Variants in FBN2 observed in about 807,000 individuals in gnomAD.
The protein encoded by FBN2 is fibrillin 2, also known as fibrillin-2.
In FBN2, 105 loss-of-function variants were observed where a neutral mutation model predicts 355.6. The ratio of observed to expected loss-of-function variants is 0.30; its 90% CI spans 0.25 to 0.35. FBN2 has a LOEUF of 0.35. FBN2 is among the 10% of genes least tolerant of loss of function. FBN2 has a pLI of 1.00. For synonymous variants in FBN2, 1,350 were observed against 1,301.2 expected (o/e 1.04, Z -0.81); for missense variants, 3,280 against 3,758.7 (o/e 0.87, Z 3.33).
At chr5:128,417,529 T>C (rs1431804467) in intron 7 of FBN2, among the ~76,000 whole-genome samples, 1 of 152,180 alleles carries the variant, frequency 6.6e-6, no homozygotes, top group Non-Finnish European at 1.5e-5. Flanking sequence ...GTTCCTTCTA[T>C]GCATAGTTTG....
At chr5:128,369,983 C>T (rs373046096) in intron 15 of FBN2, among the ~76,000 whole-genome samples, 5 of 152,148 alleles carry the variant, frequency 3.3e-5, no homozygotes, top group East Asian at 1.9e-4. Context: ...GTGGTCATTA[C>T]GTGCATTTTA....
At chr5:128,468,837 C>T (rs1268551756) in intron 5 of FBN2, among the ~76,000 whole-genome samples, 1 of 152,138 alleles carries the variant, frequency 6.6e-6, no homozygotes, top group Non-Finnish European at 1.5e-5. Flanking sequence ...AATACACTTG[C>T]TAAAATCCAA....
chr5:128,336,167 A>G (rs778892446), intron 27 of FBN2, 54 bp from the exon 28 acceptor site: 37 of 1,583,894 alleles, frequency 2.3e-5, no homozygotes, highest in Non-Finnish European at 3.1e-5. Context: ...CACTAAAGCC[A>G]TCAGAAAGGT....
chr5:128,411,463 T>C (rs1323220438), intron 7 of FBN2, among the ~76,000 whole-genome samples: 1 of 152,142 alleles, frequency 6.6e-6, no homozygotes, highest in African/African-American at 2.4e-5. Context: ...GGGAAGATTA[T>C]CTTCCCCTGG....
chr5:128,482,283 G>A (rs998180942), intron 5 of FBN2, among the ~76,000 whole-genome samples: 5 of 151,870 alleles, frequency 3.3e-5, no homozygotes, highest in African/African-American at 1.2e-4. Context: ...ACACACATTT[G>A]GAAATTTCCC....
At position 128,310,821 on chromosome 5, in the gene FBN2, A is replaced by T. The variant is rs952299600; in HGVS notation, c.5074+479T>A. Among the ~76,000 whole-genome samples, 17 of 152,218 alleles carry T rather than the reference A, an allele frequency of 1.1e-4. No individual in the cohort carries two copies. In the East Asian group the frequency reaches 2.9e-3, roughly 26 times the overall value. On this transcript the variant is annotated intron_variant, in intron 39 of 64. Transcript: ENST00000262464. ...TCCAGAAGCCCCCAGTTTAGTGGTG[A>T]GACAGGCCCCTAAAAGAATTGAAAT...
chr5:128,406,894 C>G (rs1561441311), intron 8 of FBN2, among the ~76,000 whole-genome samples: 1 of 152,112 alleles, frequency 6.6e-6, no homozygotes, highest in Admixed American at 6.6e-5. Flanking sequence ...AGTGAGCCAA[C>G]TGGCAACAGT....
chr5:128,444,653 G>C (rs537786706), intron 7 of FBN2, among the ~76,000 whole-genome samples: 2 of 152,196 alleles, frequency 1.3e-5, no homozygotes, highest in Non-Finnish European at 2.9e-5. Flanking sequence ...TGGTGCCTAC[G>C]TGCTATCAAT....
chr5:128,380,720 G>A (rs562276140), intron 11 of FBN2, among the ~76,000 whole-genome samples: 4 of 152,080 alleles, frequency 2.6e-5, no homozygotes, highest in Admixed American at 1.3e-4. Context: ...GGGATTTTCA[G>A]TTTTAGACTA....
intron 5 of FBN2, among the ~76,000 whole-genome samples, chr5:128,489,248 C>A (rs1020229263): frequency 3.9e-5 from 6 of 152,146 alleles, no homozygotes; most frequent in Non-Finnish European, 7.4e-5. Context: ...ATGAATATTT[C>A]TATGCAGTCA....
At chr5:128,320,638 T>C (rs1197580264) in intron 34 of FBN2, among the ~76,000 whole-genome samples, 3 of 152,274 alleles carry the variant, frequency 2.0e-5, no homozygotes, top group South Asian at 4.1e-4. Flanking sequence ...TATTCAAAAA[T>C]TCAAATAATA....
intron 7 of FBN2, among the ~76,000 whole-genome samples, chr5:128,423,576 G>C (rs923352504): frequency 1.5e-4 from 23 of 152,110 alleles, no homozygotes; most frequent in Non-Finnish European, 2.5e-4. Flanking sequence ...ATTTGGGTGG[G>C]GACACAGCCA....
chr5:128,308,849 A>G (rs911063947), intron 41 of FBN2, among the ~76,000 whole-genome samples: 2 of 152,206 alleles, frequency 1.3e-5, no homozygotes, highest in African/African-American at 2.4e-5. Flanking sequence ...CTAAAAAAAA[A>G]TCCTTATTGA....
intron 32 of FBN2, among the ~76,000 whole-genome samples, chr5:128,331,801 A>T (rs1379439090): frequency 6.6e-6 from 1 of 152,194 alleles, no homozygotes; most frequent in Non-Finnish European, 1.5e-5. Context: ...GAGGCTGGAC[A>T]CAGCTGAATG....
At chr5:128,407,898 G>A (rs1166968634) in intron 8 of FBN2, among the ~76,000 whole-genome samples, 1 of 152,030 alleles carries the variant, frequency 6.6e-6, no homozygotes, top group South Asian at 2.1e-4. Context: ...CTGCCCAAAC[G>A]GCCACCCTCT....
intron 5 of FBN2, among the ~76,000 whole-genome samples, chr5:128,483,471 C>T (rs562452507): frequency 1.3e-5 from 2 of 151,960 alleles, no homozygotes; most frequent in East Asian, 3.9e-4. Context: ...AAATCACAGA[C>T]AGCCTTTTGG....
chr5:128,484,346 C>T (rs1387556534), intron 5 of FBN2, among the ~76,000 whole-genome samples: 1 of 152,098 alleles, frequency 6.6e-6, no homozygotes, highest in Non-Finnish European at 1.5e-5. Flanking sequence ...AGAAAATCAC[C>T]TTAACTAAAA....
intron 5 of FBN2, among the ~76,000 whole-genome samples, chr5:128,468,749 G>C (rs554723228): frequency 6.6e-6 from 1 of 152,290 alleles, no homozygotes; most frequent in Non-Finnish European, 1.5e-5. Flanking sequence ...GATAAATCAT[G>C]CTAGAAAACC....
At chr5:128,365,396 G>A (rs1751741186) in intron 17 of FBN2, 1 of 152,000 alleles carries the variant, frequency 6.6e-6, no homozygotes, top group African/African-American at 2.4e-5. Context: ...GTACTGACAG[G>A]GAATATAATG....
Sources: allele counts gnomAD v4.1 joint callset (sites outside exome capture counted in the v4.1 genomes callset), GRCh38; gene constraint gnomAD v4.1.1; transcripts MANE v1.5; gene names NCBI Gene and HGNC (gene_info 2026-07-23, HGNC 2026-07-21).